The following VPS13A variants were observed in gnomAD, a reference collection of about 807,000 sequenced individuals.
VPS13A encodes intermembrane lipid transfer protein VPS13A.
In VPS13A, 264 loss-of-function variants were observed where a neutral mutation model predicts 390.9. The observed-to-expected ratio is 0.68, with a 90% CI of 0.61 to 0.75. VPS13A has a LOEUF of 0.75. Among genes scored for constraint, VPS13A ranks in the 30% least tolerant of loss-of-function variants. The pLI, the probability that VPS13A is intolerant of heterozygous loss-of-function variation, is 0.00. For missense variants in VPS13A, 3,409 were observed against 3,733.9 expected (o/e 0.91, Z 2.27); for synonymous variants, 1,231 against 1,227.1 (o/e 1.00, Z -0.07).
intron 31 of VPS13A, 144 bp downstream of exon 31, chr9:77,283,794 G>A (rs563356975): frequency 1.6e-6 from 1 of 642,754 alleles, no homozygotes; most frequent in South Asian, 2.0e-5. Flanking sequence ...GCATAATTGG[G>A]TTCTTAGCTC....
At chr9:77,340,764 G>T in intron 50 of VPS13A, 1 of 548,856 alleles carries the variant, frequency 1.8e-6, no homozygotes, top group Non-Finnish European at 3.2e-6. Flanking sequence ...AGCTTGTTAA[G>T]GGAGGTAGAC....
At chr9:77,265,049 G>A (rs1211905631) in intron 23 of VPS13A, among the ~76,000 whole-genome samples, 4 of 152,110 alleles carry the variant, frequency 2.6e-5, no homozygotes, top group African/African-American at 9.7e-5. Context: ...ATCTATTGAG[G>A]TAATCGTGTG....
At chr9:77,367,571 T>G (rs2131581968) in intron 61 of VPS13A, among the ~76,000 whole-genome samples, 1 of 152,328 alleles carries the variant, frequency 6.6e-6, no homozygotes. Context: ...AGTTACTGTA[T>G]CAGGTATATG....
intron 67 of VPS13A, among the ~76,000 whole-genome samples, chr9:77,372,556 T>G (rs1261668353): frequency 4.6e-5 from 7 of 152,186 alleles, no homozygotes; most frequent in African/African-American, 1.7e-4. Flanking sequence ...CTGGAAGCAT[T>G]CCCTTTGAAA....
chr9:77,363,394 T>A (rs1311991765), intron 59 of VPS13A, among the ~76,000 whole-genome samples: 21 of 101,404 alleles, frequency 2.1e-4, no homozygotes, highest in Non-Finnish European at 3.4e-4. Context: ...ACATTAATTT[T>A]TTTTTTTTTA....
At chr9:77,337,801 T>G (rs1311403917) in intron 47 of VPS13A, 3 of 340,636 alleles carry the variant, frequency 8.8e-6, no homozygotes, top group Admixed American at 8.6e-5. Flanking sequence ...GTATACTTTG[T>G]GAAGTTGCTT....
chr9:77,409,795 T>A (rs145816000), intron 71 of VPS13A, among the ~76,000 whole-genome samples: 2,804 of 151,130 alleles, frequency 0.019, 188 homozygotes, highest in African/African-American at 0.065. Flanking sequence ...TGGGACTATG[T>A]GAAAAGACCA....
chr9:77,220,289 A>T lies in VPS13A; in HGVS notation c.895A>T (p.Met299Leu). Residue 299 changes from methionine to leucine, a missense_variant, in exon 12 of 72, where the codon ATG becomes TTG. This residue lies in a region of VPS13A where 2,717 missense variants were observed against 2,917.4 expected (regional missense o/e 0.93). Transcript: ENST00000360280. ...EFNKPQYFSI[M>L]ELLESVDMMA... is the part of the protein sequence containing the mutation. ...TTCCATTCTTTAGTATTTCAGTATT[A>T]TGGAGCTTCTTGAATCAGTTGATAT... 1.9e-6 allele frequency: 3 copies of T among 1,611,550 alleles called. No homozygotes were observed. Among genetic ancestry groups the T allele is most frequent in the Non-Finnish European group, 2.5e-6 (3 of 1,178,590 alleles).
chr9:77,226,099 A>G lies in VPS13A; in HGVS notation c.1224+111A>G, dbSNP rs187133220. 3.8e-3 allele frequency: 3,986 copies of G among 1,037,478 alleles called. 12 individuals are homozygous for G. Among genetic ancestry groups the G allele is most frequent in the South Asian group, 4.8e-3 (304 of 63,970 alleles). The allele number at this position is 1,037,478 out of a possible 1,614,324, so 64.3% of individuals were successfully genotyped here. A position where few individuals can be genotyped will look rare whatever the true frequency, so the allele number is the denominator to read the frequency against. ...ACATATTGTTTCCAAAAAGTGGTTC[A>G]ATTTGCTTTTTAGTATTATAAGAAA... On this transcript the variant is annotated intron_variant, in intron 14 of 71. Transcript: ENST00000360280.
intron 17 of VPS13A, among the ~76,000 whole-genome samples, chr9:77,236,903 TTTTG>T (rs1183372197): frequency 6.6e-6 from 1 of 152,152 alleles, no homozygotes; most frequent in Non-Finnish European, 1.5e-5. Flanking sequence ...TAGTAGATTT[TTTTG>T]TTTGTTTTGA....
At chr9:77,392,488 AAGAG>A (rs1182669812) in intron 68 of VPS13A, among the ~76,000 whole-genome samples, 1 of 152,060 alleles carries the variant, frequency 6.6e-6, no homozygotes, top group Non-Finnish European at 1.5e-5. Context: ...CAGGTTGTAA[AAGAG>A]AGATAATTGT....
chr9:77,195,824 T>C (rs1824967421), intron 1 of VPS13A, among the ~76,000 whole-genome samples: 3 of 152,228 alleles, frequency 2.0e-5, no homozygotes. Context: ...CTGATCTTTA[T>C]TATTTTCTCC....
chr9:77,217,997 G>A (rs1220716363), intron 10 of VPS13A, among the ~76,000 whole-genome samples: 1 of 151,664 alleles, frequency 6.6e-6, no homozygotes, highest in Non-Finnish European at 1.5e-5. Context: ...TAATAAAAAA[G>A]ACATTATAGT....
At chr9:77,210,755 G>A in intron 7 of VPS13A, 80 bp downstream of exon 7, 3 of 1,420,518 alleles carry the variant, frequency 2.1e-6, no homozygotes, top group Non-Finnish European at 2.0e-6. Context: ...GTATATGCCA[G>A]CATCAGAAAT....
At chr9:77,319,321 T>C (rs1478179691) in intron 41 of VPS13A, among the ~76,000 whole-genome samples, 1 of 151,778 alleles carries the variant, frequency 6.6e-6, no homozygotes, top group African/African-American at 2.4e-5. Context: ...ATTAGAAATA[T>C]ATGCCTTATA....
intron 1 of VPS13A, among the ~76,000 whole-genome samples, chr9:77,195,654 T>A (rs1390428896): frequency 2.0e-5 from 3 of 152,164 alleles, no homozygotes; most frequent in Non-Finnish European, 4.4e-5. Context: ...GGAGAATCAC[T>A]TGATCCCAGG....
intron 33 of VPS13A, among the ~76,000 whole-genome samples, chr9:77,298,548 T>G (rs1828146451): frequency 6.6e-6 from 1 of 152,068 alleles, no homozygotes; most frequent in Non-Finnish European, 1.5e-5. Context: ...CATGCAGTAC[T>G]TGGTATTTTG....
At chr9:77,273,611 A>T (rs1218581701) in intron 24 of VPS13A, among the ~76,000 whole-genome samples, 2 of 152,152 alleles carry the variant, frequency 1.3e-5, no homozygotes, top group Non-Finnish European at 2.9e-5. Context: ...GTGGTGATTA[A>T]AATTTGGGTT....
chr9:77,220,491 T>C, intron 12 of VPS13A, 108 bp downstream of exon 12: 1 of 763,238 alleles, frequency 1.3e-6, no homozygotes, highest in Non-Finnish European at 2.1e-6. Context: ...TAAGGTCTGA[T>C]ACAAACCATA....
Sources: gnomAD v4.1 joint callset for allele counts (sites outside exome capture counted in the v4.1 genomes callset) on GRCh38, gnomAD v4.1.1 for gene constraint, gnomAD v4.1.1 regional missense constraint, MANE v1.5 for transcripts, NCBI Gene and HGNC (gene_info 2026-07-23, HGNC 2026-07-21) for gene names.